Variants in ASTN2 observed in about 807,000 individuals in gnomAD.
The protein encoded by ASTN2 is astrotactin-2.
In ASTN2, 54 loss-of-function variants were observed where a neutral mutation model predicts 139.8. The observed-to-expected ratio is 0.39, with a 90% CI of 0.31 to 0.48. The LOEUF is 0.48. ASTN2 is among the 20% of genes least tolerant of loss of function. The probability of loss-of-function intolerance (pLI) is 0.95; values close to 1 mark genes in which losing one functional copy is unlikely to be tolerated. For synonymous variants in ASTN2, 756 were observed against 719.5 expected (o/e 1.05, Z -0.81); for missense variants, 1,565 against 1,725.1 (o/e 0.91, Z 1.64).
At chr9:116,609,873 T>C (rs925208194) in intron 19 of ASTN2, among the ~76,000 whole-genome samples, 7 of 152,102 alleles carry the variant, frequency 4.6e-5, no homozygotes, top group African/African-American at 1.7e-4. Flanking sequence ...ATACTTGAAA[T>C]AGTATTATAT....
intron 1 of ASTN2, among the ~76,000 whole-genome samples, chr9:117,330,896 TGAG>T (rs1214590591): frequency 5.9e-5 from 9 of 152,168 alleles, no homozygotes; most frequent in African/African-American, 2.2e-4. Flanking sequence ...ATGGCTGGAA[TGAG>T]GACACATTGG....
chr9:117,116,506 C>T (rs1829395345), intron 4 of ASTN2, among the ~76,000 whole-genome samples: 1 of 151,822 alleles, frequency 6.6e-6, no homozygotes, highest in Non-Finnish European at 1.5e-5. Context: ...GATTCAACTG[C>T]TAACTTGAAT....
chr9:117,043,960 A>G (rs1298623240), intron 5 of ASTN2, among the ~76,000 whole-genome samples: 7 of 152,036 alleles, frequency 4.6e-5, no homozygotes, highest in African/African-American at 1.4e-4. Flanking sequence ...AAGAGTCAAC[A>G]TGGGAAGTGA....
At position 116,788,280 on chromosome 9, in the gene ASTN2, G is replaced by A. The variant is rs145712531; in HGVS notation, c.2396+17352C>T. Among the ~76,000 whole-genome samples, 388 of 152,246 alleles carry A rather than the reference G, an allele frequency of 2.5e-3. 2 individuals are homozygous for A. The highest frequency in any genetic ancestry group is 4.6e-3 in the Non-Finnish European group (310 of 68,016). On this transcript the variant is annotated intron_variant, in intron 13 of 22. Coordinates refer to ENST00000313400, the MANE Select transcript of ASTN2 (RefSeq NM_001365068.1). ...TCCATTGCTCAGTGTGGTGACCATC[G>A]TTAATAATGGATTATATATTTCAAA...
intron 13 of ASTN2, among the ~76,000 whole-genome samples, chr9:116,785,917 T>G (rs1208284192): frequency 6.6e-6 from 1 of 152,212 alleles, no homozygotes; most frequent in Non-Finnish European, 1.5e-5. Flanking sequence ...TGCACTAGCT[T>G]GGTTTCCTTC....
intron 3 of ASTN2, among the ~76,000 whole-genome samples, chr9:117,193,300 A>G (rs961765780): frequency 2.0e-5 from 3 of 152,114 alleles, no homozygotes; most frequent in African/African-American, 7.2e-5. Flanking sequence ...CATGGAGAGG[A>G]AAGAGGCAGT....
At chr9:116,718,972 G>GGATATATATATATATATATATATATA (rs1828393173) in intron 16 of ASTN2, among the ~76,000 whole-genome samples, 3 of 100,000 alleles carry the variant, frequency 3.0e-5, no homozygotes, top group Non-Finnish European at 6.0e-5. Flanking sequence ...ACCTGTATCT[G>GGATATATATATATATATATATATATA]TACATATATA....
chr9:117,050,519 A>G (rs1838886350), intron 5 of ASTN2, among the ~76,000 whole-genome samples: 1 of 151,928 alleles, frequency 6.6e-6, no homozygotes, highest in African/African-American at 2.4e-5. Context: ...AACTTCCTTT[A>G]TCCCAAAAGC....
intron 20 of ASTN2, among the ~76,000 whole-genome samples, chr9:116,474,744 C>G (rs186274975): frequency 6.6e-6 from 1 of 152,136 alleles, no homozygotes; most frequent in Admixed American, 6.5e-5. Flanking sequence ...CTATCTGAGC[C>G]CCTCATTGCA....
chr9:116,543,245 A>G (rs1482053092), intron 19 of ASTN2, among the ~76,000 whole-genome samples: 1 of 148,640 alleles, frequency 6.7e-6, no homozygotes, highest in African/African-American at 2.5e-5. Flanking sequence ...CCTGGGCAAC[A>G]TAACAAAACC....
intron 21 of ASTN2, among the ~76,000 whole-genome samples, chr9:116,441,467 C>A (rs1465580840): frequency 1.3e-5 from 2 of 151,732 alleles, no homozygotes; most frequent in Admixed American, 6.6e-5. Context: ...GAACACTATG[C>A]TCCTCCCATT....
chr9:116,956,094 C>CTTTTTTTTTTTTT (rs71379245), intron 10 of ASTN2, among the ~76,000 whole-genome samples: 17 of 119,130 alleles, frequency 1.4e-4, no homozygotes, highest in Non-Finnish European at 1.7e-4. Context: ...TTTTTCTTTT[C>CTTTTTTTTTTTTT]TTTTTTTTTT....
intron 4 of ASTN2, among the ~76,000 whole-genome samples, chr9:117,109,586 T>C (rs185956951): frequency 3.5e-4 from 53 of 152,244 alleles, no homozygotes; most frequent in African/African-American, 1.2e-3. Flanking sequence ...TAAAATATCT[T>C]TATTCTCCCT....
chr9:117,391,481 C>G (rs1385412702), intron 1 of ASTN2, among the ~76,000 whole-genome samples: 4 of 152,272 alleles, frequency 2.6e-5, no homozygotes, highest in Admixed American at 6.5e-5. Flanking sequence ...GCCATCAAAT[C>G]TTGTGAGACC....
At chr9:117,211,105 A>G (rs1478667365) in intron 3 of ASTN2, among the ~76,000 whole-genome samples, 1 of 152,190 alleles carries the variant, frequency 6.6e-6, no homozygotes, top group Non-Finnish European at 1.5e-5. Context: ...CACAGCTAAC[A>G]TCTTACCAAA....
chr9:116,645,952 C>T (rs1422946191), intron 17 of ASTN2, among the ~76,000 whole-genome samples: 1 of 152,212 alleles, frequency 6.6e-6, no homozygotes, highest in African/African-American at 2.4e-5. Context: ...TTTAAATAAA[C>T]ATATTCTTAT....
At chr9:116,500,092 G>A (rs1849803954) in intron 19 of ASTN2, among the ~76,000 whole-genome samples, 1 of 152,022 alleles carries the variant, frequency 6.6e-6, no homozygotes, top group Non-Finnish European at 1.5e-5. Context: ...ACGAACCCTG[G>A]AGTTTCTGCC....
intron 5 of ASTN2, among the ~76,000 whole-genome samples, chr9:117,078,437 G>A (rs1828336786): frequency 6.6e-6 from 1 of 152,046 alleles, no homozygotes; most frequent in Non-Finnish European, 1.5e-5. Context: ...CTCAGCCATG[G>A]ACATATGACT....
At chr9:116,844,270 T>C (rs192224433) in intron 11 of ASTN2, among the ~76,000 whole-genome samples, 280 of 152,366 alleles carry the variant, frequency 1.8e-3, no homozygotes, top group African/African-American at 6.5e-3. Context: ...TTCTCCCATG[T>C]TCATTATTCT....
Sources: allele counts gnomAD v4.1 joint callset (sites outside exome capture counted in the v4.1 genomes callset), GRCh38; gene constraint gnomAD v4.1.1; transcripts MANE v1.5; gene names NCBI Gene and HGNC (gene_info 2026-07-23, HGNC 2026-07-21).